The following GRIK1 variants were observed in gnomAD, a reference collection of about 807,000 sequenced individuals.
The protein encoded by GRIK1 is glutamate receptor ionotropic, kainate 1.
In GRIK1, 69 loss-of-function variants were observed where a neutral mutation model predicts 105.7. The observed-to-expected ratio is 0.65, with a 90% CI of 0.54 to 0.80. The LOEUF is 0.80. GRIK1 is among the 30% of genes least tolerant of loss of function. The pLI, the probability that GRIK1 is intolerant of heterozygous loss-of-function variation, is 0.00. For missense variants in GRIK1, 1,109 were observed against 1,167.3 expected (o/e 0.95, Z 0.73); for synonymous variants, 438 against 431.3 (o/e 1.02, Z -0.19).
rs1193871292 is a variant in GRIK1, at chr21:29,939,535, C to T, written c.-35G>A. ...TTCTTAATTCATGCCGAGATACAGC[C>T]GCTGCCGGACGCCCGAGAGATGCAC... is the stretch of plus-strand genomic sequence containing the variant. On this transcript the variant is annotated 5_prime_UTR_variant, in exon 1 of 18. Coordinates refer to ENST00000327783, the MANE Select transcript of GRIK1 (RefSeq NM_001330994.2). 2.2e-6 allele frequency: 3 copies of T among 1,355,470 alleles called. No homozygotes were observed. Among genetic ancestry groups the T allele is most frequent in the Non-Finnish European group, 3.0e-6 (3 of 985,568 alleles). 84.0% of individuals were successfully genotyped at this position (1,355,470 alleles called of 1,614,324 possible).
intron 1 of GRIK1, among the ~76,000 whole-genome samples, chr21:29,750,236 T>TCCCC (rs2065153207): frequency 8.7e-6 from 1 of 115,026 alleles, no homozygotes; most frequent in Non-Finnish European, 1.8e-5. Flanking sequence ...TTCCTTCCCT[T>TCCCC]CCTCCCTCCC....
At chr21:29,719,161 T>A (rs2064256333) in intron 1 of GRIK1, among the ~76,000 whole-genome samples, 1 of 150,288 alleles carries the variant, frequency 6.7e-6, no homozygotes, top group Non-Finnish European at 1.5e-5. Context: ...AAAGCTTTTT[T>A]ATATATATGT....
At chr21:29,672,197 A>G (rs2063172945) in intron 4 of GRIK1, among the ~76,000 whole-genome samples, 1 of 150,832 alleles carries the variant, frequency 6.6e-6, no homozygotes, top group African/African-American at 2.4e-5. Flanking sequence ...AGCTGGTATT[A>G]CAGGCATGCA....
intron 16 of GRIK1, among the ~76,000 whole-genome samples, chr21:29,540,636 T>A (rs2089953574): frequency 1.3e-5 from 2 of 152,178 alleles, no homozygotes; most frequent in African/African-American, 4.8e-5. Context: ...AGGATACATA[T>A]AAAGATTGAG....
At chr21:29,841,670 G>T (rs1018023930) in intron 1 of GRIK1, among the ~76,000 whole-genome samples, 2 of 152,138 alleles carry the variant, frequency 1.3e-5, no homozygotes, top group Non-Finnish European at 2.9e-5. Context: ...GACAAGTCAG[G>T]CTTCACTATA....
intron 1 of GRIK1, among the ~76,000 whole-genome samples, chr21:29,749,884 ACAGT>A (rs2065140450): frequency 2.6e-5 from 4 of 152,234 alleles, no homozygotes; most frequent in Admixed American, 2.0e-4. Flanking sequence ...AGTTAAAAAG[ACAGT>A]CTGTTTATGA....
intron 1 of GRIK1, among the ~76,000 whole-genome samples, chr21:29,743,877 TA>T (rs2145613372): frequency 6.6e-6 from 1 of 152,230 alleles, no homozygotes; most frequent in Admixed American, 6.5e-5. Context: ...TTGGGAAATT[TA>T]AACGGTGTCA....
At chr21:29,883,890 A>G (rs2069514491) in intron 1 of GRIK1, among the ~76,000 whole-genome samples, 1 of 152,058 alleles carries the variant, frequency 6.6e-6, no homozygotes, top group Non-Finnish European at 1.5e-5. Context: ...AAAATACCTA[A>G]GAGAAAACCA....
chr21:29,694,746 C>T (rs1479108644), intron 1 of GRIK1, among the ~76,000 whole-genome samples: 1 of 152,156 alleles, frequency 6.6e-6, no homozygotes, highest in African/African-American at 2.4e-5. Context: ...CTTGTAGGAC[C>T]ATTCTTCTTT....
intron 15 of GRIK1, among the ~76,000 whole-genome samples, chr21:29,558,325 G>A (rs1036477572): frequency 1.0e-4 from 15 of 149,548 alleles, no homozygotes; most frequent in African/African-American, 3.0e-4. Flanking sequence ...AATGACATTG[G>A]AAGTTATTAT....
intron 1 of GRIK1, among the ~76,000 whole-genome samples, chr21:29,788,194 A>G (rs1215387254): frequency 6.6e-6 from 1 of 152,216 alleles, no homozygotes; most frequent in African/African-American, 2.4e-5. Context: ...AACATGTCAG[A>G]TTGTGATAAG....
intron 1 of GRIK1, among the ~76,000 whole-genome samples, chr21:29,774,339 A>G (rs2065888416): frequency 6.6e-6 from 1 of 152,122 alleles, no homozygotes; most frequent in African/African-American, 2.4e-5. Context: ...TAAATTCAAG[A>G]TGCAGATTTA....
intron 1 of GRIK1, among the ~76,000 whole-genome samples, chr21:29,838,543 T>C (rs947433056): frequency 2.6e-5 from 4 of 152,166 alleles, no homozygotes; most frequent in Non-Finnish European, 5.9e-5. Flanking sequence ...TGGCTCCTAG[T>C]TTAACTGGGT....
intron 1 of GRIK1, among the ~76,000 whole-genome samples, chr21:29,821,197 G>A (rs950592714): frequency 2.6e-5 from 4 of 151,958 alleles, no homozygotes; most frequent in Non-Finnish European, 5.9e-5. Flanking sequence ...ATTAGATACT[G>A]TATTCTTTCA....
chr21:29,537,153 A>G lies in GRIK1; in HGVS notation c.*77T>C. On this transcript the variant is annotated 3_prime_UTR_variant, in exon 18 of 18. Coordinates refer to ENST00000327783, the MANE Select transcript of GRIK1 (RefSeq NM_001330994.2). The stretch of plus-strand genomic sequence containing the variant: ...GGATATAGATATATGGAAACACATC[A>G]CACACTCCTCAGAAATCCTTTCTCC... 1 of 984,434 alleles carries G rather than the reference A, an allele frequency of 1.0e-6. No homozygotes were observed. Among genetic ancestry groups the G allele is most frequent in the Non-Finnish European group, 1.5e-6 (1 of 667,162 alleles). The allele number at this position is 984,434 out of a possible 1,614,324, so 61.0% of individuals were successfully genotyped here.
intron 4 of GRIK1, among the ~76,000 whole-genome samples, chr21:29,656,491 A>G (rs1033560650): frequency 7.3e-5 from 11 of 150,250 alleles, no homozygotes; most frequent in African/African-American, 2.2e-4. Context: ...GGAAGTTTTT[A>G]TATCAAAGAC....
rs1255846155 is a variant in GRIK1, at chr21:29,848,780, T to TATATATA, written c.118+90602_118+90603insTATATAT. Among the ~76,000 whole-genome samples the TATATATA allele has an allele frequency of 5.7e-3, 162 of 28,416 alleles. 7 individuals carry two copies. Among genetic ancestry groups the TATATATA allele is most frequent in the East Asian group, 4.7e-3 (4 of 844 alleles). The allele number at this position is 28,416 out of a possible 152,430, so 18.6% of individuals were successfully genotyped here. A position where few individuals can be genotyped will look rare whatever the true frequency, so the allele number is the denominator to read the frequency against. On this transcript the variant is annotated intron_variant, in intron 1 of 17. Coordinates refer to ENST00000327783, the MANE Select transcript of GRIK1 (RefSeq NM_001330994.2). ...GTATATATATATATATATATATATATTTTTTTTTTTTTCCACGATCTTCAC... is the reference window on the plus strand; with the variant it reads ...GTATATATATATATATATATATATATATATATATTTTTTTTTTTTCCACGATCTTCAC...
At chr21:29,683,737 C>A (rs554325093) in intron 3 of GRIK1, among the ~76,000 whole-genome samples, 1 of 152,152 alleles carries the variant, frequency 6.6e-6, no homozygotes, top group Non-Finnish European at 1.5e-5. Flanking sequence ...ACCCATGCAA[C>A]GACCTTCATA....
intron 1 of GRIK1, among the ~76,000 whole-genome samples, chr21:29,790,247 C>T (rs1274170228): frequency 6.6e-6 from 1 of 152,060 alleles, no homozygotes; most frequent in African/African-American, 2.4e-5. Context: ...CGGGGTTTCA[C>T]CATGTTGGCC....
Sources: allele counts gnomAD v4.1 joint callset (sites outside exome capture counted in the v4.1 genomes callset), GRCh38; gene constraint gnomAD v4.1.1; transcripts MANE v1.5; gene names NCBI Gene and HGNC (gene_info 2026-07-23, HGNC 2026-07-21).